Variants in WDFY3 observed in about 807,000 individuals in gnomAD.
WDFY3 encodes WD repeat and FYVE domain containing 3.
WDFY3 carries 66 observed loss-of-function variants against 409.6 expected under a neutral mutation model. The observed-to-expected ratio is 0.16, with a 90% CI of 0.13 to 0.20. The LOEUF is 0.20. Among genes scored for constraint, WDFY3 ranks in the 10% least tolerant of loss-of-function variants. The probability of loss-of-function intolerance (pLI) is 1.00; values close to 1 mark genes in which losing one functional copy is unlikely to be tolerated. For missense variants in WDFY3, 3,031 were observed against 4,298.1 expected (o/e 0.71, Z 8.24); for synonymous variants, 1,521 against 1,537.1 (o/e 0.99, Z 0.25).
chr4:84,956,046 G>A (rs1384498541), intron 1 of WDFY3, among the ~76,000 whole-genome samples: 1 of 152,040 alleles, frequency 6.6e-6, no homozygotes, highest in Non-Finnish European at 1.5e-5. Flanking sequence ...CCAAATAACA[G>A]CTATGTATCA....
chr4:84,748,876 TTCTC>T (rs951846289), intron 36 of WDFY3, among the ~76,000 whole-genome samples: 18 of 152,020 alleles, frequency 1.2e-4, no homozygotes, highest in Non-Finnish European at 2.1e-4. Context: ...TGTAAGATAA[TTCTC>T]TCTCTCTTTT....
intron 17 of WDFY3, among the ~76,000 whole-genome samples, chr4:84,800,032 A>C (rs1750227707): frequency 6.6e-6 from 1 of 152,162 alleles, no homozygotes; most frequent in African/African-American, 2.4e-5. Context: ...GATTACCAAA[A>C]AGGATCAGGG....
At chr4:84,807,194 T>G (rs2149701631) in intron 15 of WDFY3, among the ~76,000 whole-genome samples, 1 of 152,276 alleles carries the variant, frequency 6.6e-6, no homozygotes. Flanking sequence ...ATACACGATA[T>G]CAACTCAAAT....
chr4:84,757,875 C>A (rs1367172397), intron 32 of WDFY3, among the ~76,000 whole-genome samples: 1 of 152,198 alleles, frequency 6.6e-6, no homozygotes, highest in Non-Finnish European at 1.5e-5. Context: ...TCTTTACTCA[C>A]AACATGATCT....
chr4:84,677,892 G>A (rs1393021787), intron 66 of WDFY3, among the ~76,000 whole-genome samples: 1 of 148,866 alleles, frequency 6.7e-6, no homozygotes, highest in Non-Finnish European at 1.5e-5. Context: ...GAGCCTGGGA[G>A]GTTGAGGCTG....
intron 14 of WDFY3, chr4:84,809,110 G>C (rs1331960016): frequency 6.6e-6 from 1 of 152,166 alleles, no homozygotes; most frequent in East Asian, 1.9e-4. Flanking sequence ...TAAATTAGAA[G>C]TATTATTTTC....
chr4:84,801,081 T>G (rs1333161466), intron 17 of WDFY3, among the ~76,000 whole-genome samples: 1 of 152,082 alleles, frequency 6.6e-6, no homozygotes, highest in Non-Finnish European at 1.5e-5. Context: ...ACAATAAAGG[T>G]AGCACTAGAG....
chr4:84,908,652 CT>C (rs1181568445), intron 2 of WDFY3, among the ~76,000 whole-genome samples: 1 of 152,120 alleles, frequency 6.6e-6, no homozygotes, highest in Non-Finnish European at 1.5e-5. Flanking sequence ...TATATTTCAA[CT>C]TTTTTTATTG....
At chr4:84,957,558 A>T (rs1774397810) in intron 1 of WDFY3, among the ~76,000 whole-genome samples, 1 of 152,192 alleles carries the variant, frequency 6.6e-6, no homozygotes, top group African/African-American at 2.4e-5. Flanking sequence ...ACAGGACATG[A>T]AAGCCTGCAA....
At chr4:84,932,824 G>T (rs1037864089) in intron 1 of WDFY3, among the ~76,000 whole-genome samples, 1 of 152,086 alleles carries the variant, frequency 6.6e-6, no homozygotes, top group African/African-American at 2.4e-5. Flanking sequence ...GAATTGATTT[G>T]TTCTAAATTA....
At chr4:84,758,250 T>C (rs1366235593) in intron 32 of WDFY3, among the ~76,000 whole-genome samples, 4 of 152,180 alleles carry the variant, frequency 2.6e-5, no homozygotes, top group African/African-American at 9.7e-5. Context: ...TTTGCATTTA[T>C]TATTTATTCT....
chr4:84,713,158 C>G lies in WDFY3; in HGVS notation c.8042+1G>C. On this transcript the variant is annotated splice_donor_variant, in intron 51 of 67. Coordinates refer to ENST00000295888, the MANE Select transcript of WDFY3 (RefSeq NM_014991.6). LOFTEE classifies it high-confidence loss of function. ...TAACATGCAAGGAACAAACCACCTACCCCTGCTCCACACTCGTGTTTGGTC... is the reference window on the plus strand; with the variant it reads ...TAACATGCAAGGAACAAACCACCTAGCCCTGCTCCACACTCGTGTTTGGTC... 1 of 1,614,026 alleles carries G rather than the reference C, an allele frequency of 6.2e-7. No homozygotes were observed. The highest frequency in any genetic ancestry group is 8.5e-7 in the Non-Finnish European group (1 of 1,179,912).
chr4:84,909,903 A>G (rs1767538374), intron 2 of WDFY3, among the ~76,000 whole-genome samples: 1 of 152,158 alleles, frequency 6.6e-6, no homozygotes, highest in Admixed American at 6.5e-5. Context: ...TTTTCCTAGT[A>G]TAACTCCATA....
At chr4:84,722,427 C>A (rs1734998870) in intron 46 of WDFY3, among the ~76,000 whole-genome samples, 1 of 152,096 alleles carries the variant, frequency 6.6e-6, no homozygotes, top group Non-Finnish European at 1.5e-5. Flanking sequence ...GATATCCCAC[C>A]TACTTGGAGG....
intron 2 of WDFY3, among the ~76,000 whole-genome samples, chr4:84,913,378 T>A (rs1768042238): frequency 1.3e-5 from 2 of 152,172 alleles, no homozygotes; most frequent in African/African-American, 4.8e-5. Context: ...CCAGATGTTG[T>A]GCACGATTTC....
At chr4:84,751,430 TC>T (rs775765512) in intron 36 of WDFY3, 52 bp downstream of exon 36, 63 of 1,568,318 alleles carry the variant, frequency 4.0e-5, no homozygotes, top group Non-Finnish European at 5.4e-5. Flanking sequence ...TTACTAATGT[TC>T]TAATTTAAAA....
rs556403292 is a variant in WDFY3 at position 84,819,926 on chromosome 4, G to A, written c.1693+159C>T. Among the ~76,000 whole-genome samples, 38 of 152,162 alleles carry A rather than the reference G, an allele frequency of 2.5e-4. 1 individual carries two copies. In the South Asian group the frequency reaches 7.5e-3, roughly 30 times the overall value. On this transcript the variant is annotated intron_variant, in intron 12 of 67. Transcript: ENST00000295888. ...GTTTTGTCATCAAGGTGCTCCTGAT[G>A]GTCAAAAGCACTGCATTTTTAGGGA...
intron 13 of WDFY3, 113 bp downstream of exon 13, chr4:84,817,279 T>C (rs548157946): frequency 7.4e-7 from 1 of 1,343,118 alleles, no homozygotes; most frequent in East Asian, 2.3e-5. Context: ...GTGAGGTTTC[T>C]TGGGTAATTT....
chr4:84,873,006 T>G (rs944127208), intron 3 of WDFY3, among the ~76,000 whole-genome samples: 36 of 152,066 alleles, frequency 2.4e-4, no homozygotes, highest in Non-Finnish European at 3.8e-4. Context: ...TTAACGTGTA[T>G]AGGTCTAAAA....
Sources: allele counts gnomAD v4.1 joint callset (sites outside exome capture counted in the v4.1 genomes callset), GRCh38; gene constraint gnomAD v4.1.1; transcripts MANE v1.5; gene names NCBI Gene and HGNC (gene_info 2026-07-23, HGNC 2026-07-21).